The following MAF variants were observed in gnomAD, a reference collection of about 807,000 sequenced individuals.
MAF encodes the protein MAF bZIP transcription factor.
MAF carries 10 observed loss-of-function variants against 22.0 expected under a neutral mutation model. That is an observed-to-expected ratio of 0.45 (90% CI 0.28 to 0.77). The LOEUF is 0.77. Ranked by LOEUF, MAF falls within the 30% of genes least tolerant of loss-of-function variation. The pLI is 0.12. For synonymous variants in MAF, 337 were observed against 255.8 expected (o/e 1.32, Z -3.03); for missense variants, 544 against 548.4 (o/e 0.99, Z 0.08).
At chr16:79,321,049 C>T in the MAF span, among the ~76,000 whole-genome samples, 33 of 152,308 alleles carry the variant, frequency 2.2e-4, no homozygotes, top group African/African-American at 7.9e-4. Flanking sequence ...TGCTCACTCA[C>T]ACACTTGGTA....
At chr16:79,296,566 T>C in the MAF span, among the ~76,000 whole-genome samples, 7 of 152,280 alleles carry the variant, frequency 4.6e-5, no homozygotes, top group African/African-American at 1.7e-4. Context: ...GTTTCATAAA[T>C]AGGCATTTCG....
chr16:79,378,124 G>A, the MAF span, among the ~76,000 whole-genome samples: 2 of 152,118 alleles, frequency 1.3e-5, no homozygotes, highest in African/African-American at 4.8e-5. Context: ...TGGGAAGTAT[G>A]GCCATTTTCA....
the MAF span, among the ~76,000 whole-genome samples, chr16:79,362,068 G>A: frequency 2.0e-5 from 3 of 152,178 alleles, no homozygotes; most frequent in African/African-American, 7.2e-5. Flanking sequence ...ATCCCAGGTT[G>A]ACTTGGAGGC....
At chr16:79,325,632 A>G in the MAF span, among the ~76,000 whole-genome samples, 1 of 147,336 alleles carries the variant, frequency 6.8e-6, no homozygotes, top group Non-Finnish European at 1.5e-5. Flanking sequence ...CACACACAGA[A>G]CACACACACA....
At chr16:79,519,277 G>T in the MAF span, among the ~76,000 whole-genome samples, 9 of 152,292 alleles carry the variant, frequency 5.9e-5, no homozygotes, top group African/African-American at 2.2e-4. Flanking sequence ...GATCTCTGAA[G>T]ATAATGGAAC....
chr16:79,522,610 G>A, the MAF span, among the ~76,000 whole-genome samples: 1 of 152,148 alleles, frequency 6.6e-6, no homozygotes, highest in Non-Finnish European at 1.5e-5. Context: ...GGAGACAAAT[G>A]CATGCACAGT....
chr16:79,346,591 T>C, the MAF span, among the ~76,000 whole-genome samples: 2 of 152,170 alleles, frequency 1.3e-5, no homozygotes, highest in Non-Finnish European at 2.9e-5. Context: ...AAGAAGGATT[T>C]TGAAGGTGAT....
the MAF span, among the ~76,000 whole-genome samples, chr16:79,273,303 AG>A: frequency 6.6e-6 from 1 of 152,186 alleles, no homozygotes; most frequent in African/African-American, 2.4e-5. Flanking sequence ...GTGCAGGGAA[AG>A]AGAAGTTCCA....
the MAF span, among the ~76,000 whole-genome samples, chr16:79,475,991 G>A: frequency 1.3e-5 from 2 of 152,154 alleles, no homozygotes; most frequent in South Asian, 2.1e-4. Context: ...TGTAATCAAG[G>A]TCCCTAATCA....
At chr16:79,260,722 T>C in the MAF span, among the ~76,000 whole-genome samples, 1 of 152,206 alleles carries the variant, frequency 6.6e-6, no homozygotes, top group Non-Finnish European at 1.5e-5. Flanking sequence ...GTTATGTGAA[T>C]AAATGTTCTT....
At chr16:79,518,940 T>C in the MAF span, among the ~76,000 whole-genome samples, 1 of 152,014 alleles carries the variant, frequency 6.6e-6, no homozygotes, top group Admixed American at 6.6e-5. Context: ...AATAAATAAA[T>C]AAGTAAATAA....
At chr16:79,375,071 G>C in the MAF span, among the ~76,000 whole-genome samples, 35 of 152,200 alleles carry the variant, frequency 2.3e-4, no homozygotes, top group South Asian at 5.0e-3. Flanking sequence ...GTAAGTTCTT[G>C]GTGATCATTT....
chr16:79,597,079 A>C, intron 1 of MAF: 4 of 1,058,876 alleles, frequency 3.8e-6, no homozygotes, highest in Non-Finnish European at 4.6e-6. Context: ...ACACATACCC[A>C]ACTTATATTT....
At chr16:79,540,573 T>C in the MAF span, among the ~76,000 whole-genome samples, 1 of 152,118 alleles carries the variant, frequency 6.6e-6, no homozygotes, top group African/African-American at 2.4e-5. Flanking sequence ...TCAACAATGC[T>C]CATTGGCATG....
downstream of MAF, among the ~76,000 whole-genome samples, chr16:79,582,911 C>A (rs368048639): frequency 1.1e-4 from 17 of 152,174 alleles, no homozygotes; most frequent in Admixed American, 6.5e-4. Flanking sequence ...GGGGTCAAGA[C>A]CAGCCACCTG....
chr16:79,470,219 G>C, the MAF span, among the ~76,000 whole-genome samples: 2 of 152,220 alleles, frequency 1.3e-5, no homozygotes, highest in Non-Finnish European at 2.9e-5. Context: ...GAGGAAGTGG[G>C]AACTTCCTTG....
At chr16:79,592,383 C>T (rs1430869813), downstream of MAF, among the ~76,000 whole-genome samples, 1 of 152,154 alleles carries the variant, frequency 6.6e-6, no homozygotes, top group African/African-American at 2.4e-5. Context: ...TGTTCAGGAG[C>T]TGGGGCGGAG....
the MAF span, among the ~76,000 whole-genome samples, chr16:79,329,594 A>G: frequency 2.0e-5 from 3 of 152,186 alleles, no homozygotes; most frequent in African/African-American, 7.2e-5. Context: ...TTATCCAGAA[A>G]TATGATGGAA....
At chr16:79,281,153 G>A in the MAF span, among the ~76,000 whole-genome samples, 1 of 151,794 alleles carries the variant, frequency 6.6e-6, no homozygotes, top group African/African-American at 2.4e-5. Context: ...TAGAAGATAG[G>A]AGGTTGGACG....
Sources: allele counts gnomAD v4.1 joint callset (sites outside exome capture counted in the v4.1 genomes callset), GRCh38; gene constraint gnomAD v4.1.1; transcripts MANE v1.5; gene names NCBI Gene and HGNC (gene_info 2026-07-23, HGNC 2026-07-21).